DCN: variants seen among roughly 807,000 people sequenced by gnomAD.
DCN encodes bone proteoglycan II.
DCN carries 17 observed loss-of-function variants against 36.5 expected under a neutral mutation model. That is an observed-to-expected ratio of 0.47 (90% CI 0.32 to 0.70). DCN has a LOEUF of 0.70. DCN is among the 30% of genes least tolerant of loss of function. The probability of loss-of-function intolerance (pLI) is 0.04; values close to 1 mark genes in which losing one functional copy is unlikely to be tolerated. For synonymous variants in DCN, 163 were observed against 161.4 expected, an observed-to-expected ratio of 1.01 and a Z score of -0.07; for missense variants, 389 against 430.1, an observed-to-expected ratio of 0.90 and a Z score of 0.84.
At chr12:91,182,584 C>T (rs900311610) in intron 1 of DCN, 71 bp downstream of exon 1, 4 of 151,700 alleles carry the variant, frequency 2.6e-5, no homozygotes, top group African/African-American at 9.7e-5. Context: ...CAAATAATCC[C>T]TTTTGCTCGC....
intron 5 of DCN, 152 bp from the exon 6 acceptor site, chr12:91,153,341 T>C (rs1881557405): frequency 1.5e-6 from 1 of 646,982 alleles, no homozygotes; most frequent in African/African-American, 1.8e-5. Context: ...TTTCATCCCT[T>C]TTATAATAAT....
rs573205896 is a variant in DCN at position 91,158,127 on chromosome 12, T to A, written c.538+169A>T. Among the ~76,000 whole-genome samples, 11 of 152,296 alleles carry A rather than the reference T, an allele frequency of 7.2e-5. No homozygotes were observed. In the East Asian group the frequency reaches 2.1e-3, roughly 29 times the overall value. On this transcript the variant is annotated intron_variant, in intron 4 of 7. Transcript: ENST00000052754. ...AAGGACATACATAAAAACATCACTG[T>A]AAGGTCCAGATTCAAAATCCCAATT...
intron 2 of DCN, among the ~76,000 whole-genome samples, chr12:91,173,987 T>C (rs957773648): frequency 3.3e-5 from 5 of 152,214 alleles, no homozygotes; most frequent in Admixed American, 2.6e-4. Context: ...ATTATTTGCA[T>C]TATAAGGTAC....
intron 7 of DCN, among the ~76,000 whole-genome samples, chr12:91,150,527 T>C (rs1413769993): frequency 1.3e-5 from 2 of 152,180 alleles, no homozygotes; most frequent in South Asian, 2.1e-4. Context: ...TGATTCCCTG[T>C]GGCTGGAGAT....
chr12:91,174,872 A>G (rs952046543), intron 2 of DCN, among the ~76,000 whole-genome samples: 2 of 152,122 alleles, frequency 1.3e-5, no homozygotes, highest in Admixed American at 6.5e-5. Flanking sequence ...ACTTGTCAGG[A>G]CTGATTTGCA....
chr12:91,153,329 T>C (rs1476233012), intron 5 of DCN, 140 bp from the exon 6 acceptor site: 3 of 663,048 alleles, frequency 4.5e-6, no homozygotes, highest in Non-Finnish European at 8.2e-6. Flanking sequence ...TTTATCTTTT[T>C]TTTTCATCCC....
chr12:91,178,095 TGATTTGTCCAA>T (rs1472600025), intron 2 of DCN, among the ~76,000 whole-genome samples: 1 of 152,010 alleles, frequency 6.6e-6, no homozygotes, highest in Admixed American at 6.6e-5. Context: ...TTTTTAAAAA[TGATTTGTCCAA>T]GATTGCAAAG....
At chr12:91,163,327 T>C (rs1165491043) in intron 3 of DCN, among the ~76,000 whole-genome samples, 2 of 152,222 alleles carry the variant, frequency 1.3e-5, no homozygotes, top group Admixed American at 6.5e-5. Context: ...CTTTGCCCTT[T>C]TTTGGCCCTT....
At chr12:91,163,464 C>A (rs1882293565) in intron 3 of DCN, among the ~76,000 whole-genome samples, 1 of 152,156 alleles carries the variant, frequency 6.6e-6, no homozygotes, top group East Asian at 1.9e-4. Flanking sequence ...CCCAGCTCTC[C>A]CATGGCTCTG....
intron 5 of DCN, among the ~76,000 whole-genome samples, chr12:91,154,315 C>G (rs547880923): frequency 6.6e-6 from 1 of 152,108 alleles, no homozygotes; most frequent in Non-Finnish European, 1.5e-5. Context: ...GAACATTGAC[C>G]TTGGCACTTT....
chr12:91,182,225 T>C (rs1868431947), intron 1 of DCN, among the ~76,000 whole-genome samples: 1 of 152,116 alleles, frequency 6.6e-6, no homozygotes, highest in Admixed American at 6.6e-5. Context: ...TCAGTTCTTC[T>C]GGGCTTTTAA....
chr12:91,158,872 G>A (rs1392906695), intron 3 of DCN, among the ~76,000 whole-genome samples: 2 of 151,996 alleles, frequency 1.3e-5, no homozygotes, highest in African/African-American at 4.8e-5. Context: ...TGAGACAGGA[G>A]GATCACTTGA....
intron 7 of DCN, among the ~76,000 whole-genome samples, chr12:91,150,260 A>G (rs1881316424): frequency 6.6e-6 from 1 of 152,250 alleles, no homozygotes; most frequent in Admixed American, 6.5e-5. Flanking sequence ...CCTTACATTT[A>G]TGATCGAGTG....
chr12:91,148,721 CA>C (rs5799978), intron 7 of DCN, among the ~76,000 whole-genome samples: 1,563 of 49,298 alleles, frequency 0.032, 3 homozygotes, highest in Middle Eastern at 0.074. Context: ...CGCTCCGACT[CA>C]AAAAAAAAAA....
At chr12:91,164,366 T>TAAA (rs368050582) in intron 3 of DCN, among the ~76,000 whole-genome samples, 1 of 73,632 alleles carries the variant, frequency 1.4e-5, no homozygotes, top group African/African-American at 4.3e-5. Flanking sequence ...TAGAGTATAA[T>TAAA]AAAAAAAAAA....
intron 3 of DCN, 33 bp downstream of exon 3, chr12:91,164,572 T>C: frequency 8.3e-7 from 1 of 1,200,330 alleles, no homozygotes; most frequent in Non-Finnish European, 1.2e-6. Context: ...TTGAGTCTTA[T>C]CTTATTGTGA....
Position 91,177,919 on chromosome 12 carries a change from G to T in DCN, c.211+423C>A, listed in dbSNP as rs192155624. The T allele has an allele frequency of 4.7e-5, 21 of 447,756 alleles. No individual in the cohort carries two copies. In the East Asian group the frequency reaches 9.1e-4, roughly 19 times the overall value. 27.7% of individuals were successfully genotyped at this position (447,756 alleles called of 1,614,324 possible). ...GTAATGTTGAAACTCTGTTGTCTGGGCTAAGTGAATAGTAGAGAGACTGAC... is the reference window on the plus strand; with the variant it reads ...GTAATGTTGAAACTCTGTTGTCTGGTCTAAGTGAATAGTAGAGAGACTGAC... On this transcript the variant is annotated intron_variant, in intron 2 of 7. Coordinates refer to ENST00000052754, the MANE Select transcript of DCN (RefSeq NM_001920.5).
intron 2 of DCN, among the ~76,000 whole-genome samples, chr12:91,166,246 AAT>A (rs1260333772): frequency 6.6e-6 from 1 of 152,154 alleles, no homozygotes; most frequent in African/African-American, 2.4e-5. Flanking sequence ...AACTTACATA[AAT>A]ATGTTACATA....
At chr12:91,163,565 A>G (rs1882301150) in intron 3 of DCN, among the ~76,000 whole-genome samples, 1 of 152,226 alleles carries the variant, frequency 6.6e-6, no homozygotes, top group East Asian at 1.9e-4. Flanking sequence ...AGAGGTTTCA[A>G]TAAAGTCTCC....
Sources: allele counts gnomAD v4.1 joint callset (sites outside exome capture counted in the v4.1 genomes callset), GRCh38; gene constraint gnomAD v4.1.1; transcripts MANE v1.5; gene names NCBI Gene and HGNC (gene_info 2026-07-23, HGNC 2026-07-21).